RPS6KA6: variants seen among roughly 807,000 people sequenced by gnomAD.
The protein encoded by RPS6KA6 is ribosomal protein S6 kinase A6, also known as ribosomal protein S6 kinase alpha-6.
In RPS6KA6, 27 loss-of-function variants were observed where a neutral mutation model predicts 65.4. The ratio of observed to expected loss-of-function variants is 0.41; its 90% confidence interval spans 0.30 to 0.57. RPS6KA6 has a LOEUF of 0.57. Ranked by LOEUF, RPS6KA6 falls within the 20% of genes least tolerant of loss-of-function variation. The pLI is 0.24. For missense variants in RPS6KA6, 486 were observed against 555.6 expected (o/e 0.87, Z 1.26); for synonymous variants, 190 against 184.2 (o/e 1.03, Z -0.26).
intron 3 of RPS6KA6, 131 bp downstream of exon 3, chrX:84,155,944 A>G: frequency 9.5e-6 from 4 of 422,925 alleles, no homozygotes; most frequent in Non-Finnish European, 1.7e-5. Context: ...GAATAAAATT[A>G]AAGAATTACC....
At position 84,059,948 on chromosome X, in the gene RPS6KA6, G is replaced by T. The variant is rs1175867093; in HGVS notation, c.*4329C>A. The T allele has an allele frequency of 8.9e-6, 1 of 111,922 alleles. No individual in the cohort carries two copies. Among genetic ancestry groups the T allele is most frequent in the Non-Finnish European group, 1.9e-5 (1 of 53,149 alleles). The allele number at this position is 111,922 out of a possible 1,213,427, so 9.2% of individuals were successfully genotyped here. On this transcript the variant is annotated 3_prime_UTR_variant, in exon 22 of 22. Coordinates refer to ENST00000262752, the MANE Select transcript of RPS6KA6 (RefSeq NM_014496.5). ...CTTTTGTTTTTCTAAATATTTCAAAGAAACTTATGTCTATAATTTAATATA... is the reference window on the plus strand; with the variant it reads ...CTTTTGTTTTTCTAAATATTTCAAATAAACTTATGTCTATAATTTAATATA...
chrX:84,138,801 TTGTGTGTGTGTGTGTGTGTGTG>T (rs3077407), intron 6 of RPS6KA6, among the ~76,000 whole-genome samples: 2 of 99,208 alleles, frequency 2.0e-5, no homozygotes, highest in African/African-American at 3.8e-5. Context: ...ACCTGTGTAT[TTGTGTGTGTGTGTGTGTGTGTG>T]TGTGTGTGTG....
intron 20 of RPS6KA6, among the ~76,000 whole-genome samples, chrX:84,087,781 T>C (rs952777574): frequency 8.9e-6 from 1 of 112,019 alleles, no homozygotes; most frequent in Admixed American, 9.5e-5. Flanking sequence ...TCCCCATCTC[T>C]TTCCGGTACC....
chrX:84,184,602 TTCCTC>T (rs1237270121), intron 1 of RPS6KA6, among the ~76,000 whole-genome samples: 1 of 110,932 alleles, frequency 9.0e-6, no homozygotes, highest in Non-Finnish European at 1.9e-5. Flanking sequence ...AAGCTGTTCT[TTCCTC>T]TATTACTATA....
intron 20 of RPS6KA6, among the ~76,000 whole-genome samples, chrX:84,078,831 G>A (rs1014635250): frequency 6.3e-5 from 7 of 111,195 alleles, no homozygotes; most frequent in Non-Finnish European, 1.3e-4. Context: ...AAAACAGCAT[G>A]AGGAAATGTT....
At chrX:84,082,398 A>C (rs1202056516) in intron 20 of RPS6KA6, among the ~76,000 whole-genome samples, 2 of 111,826 alleles carry the variant, frequency 1.8e-5, no homozygotes, top group Non-Finnish European at 3.8e-5. Flanking sequence ...AGCGATGTGA[A>C]GGACCTCTTC....
rs949929252 is a variant in RPS6KA6, at chrX:84,062,910, TTC to T, written c.*1365_*1366del. ...CCTCCAGTTTACATTCATGAATTCT[TTC>T]TGTCAGTAGTAGTAGTAGTAGTAGT... On this transcript the variant is annotated 3_prime_UTR_variant, in exon 22 of 22. Coordinates refer to ENST00000262752, the MANE Select transcript of RPS6KA6 (RefSeq NM_014496.5). 5 of 107,770 alleles carry T rather than the reference TTC, an allele frequency of 4.6e-5. No homozygotes were observed. Among genetic ancestry groups the T allele is most frequent in the African/African-American group, 1.3e-4 (4 of 29,777 alleles). 8.9% of individuals were successfully genotyped at this position (107,770 alleles called of 1,213,427 possible).
intron 17 of RPS6KA6, among the ~76,000 whole-genome samples, chrX:84,103,974 C>T (rs2034306650): frequency 9.1e-6 from 1 of 110,261 alleles, no homozygotes; most frequent in Non-Finnish European, 1.9e-5. Flanking sequence ...TAAAAGTTCC[C>T]TTTTTTTGTA....
At chrX:84,105,092 A>G (rs1432627587) in intron 16 of RPS6KA6, among the ~76,000 whole-genome samples, 2 of 110,622 alleles carry the variant, frequency 1.8e-5, no homozygotes, top group Non-Finnish European at 3.8e-5. Flanking sequence ...TATCTTAAAT[A>G]CTGGTTGAAT....
chrX:84,135,001 A>C (rs2034967619), intron 7 of RPS6KA6, 103 bp downstream of exon 7: 1 of 653,542 alleles, frequency 1.5e-6, no homozygotes, highest in Non-Finnish European at 2.4e-6. Flanking sequence ...GTTTCATATA[A>C]TTCATATAGA....
At chrX:84,109,359 C>A (rs759161980) in intron 12 of RPS6KA6, among the ~76,000 whole-genome samples, 1 of 110,961 alleles carries the variant, frequency 9.0e-6, no homozygotes, top group South Asian at 3.9e-4. Context: ...ATTCTGCAGG[C>A]CATTCTGAGA....
chrX:84,105,173 AACAC>A (rs201065109), intron 16 of RPS6KA6, among the ~76,000 whole-genome samples: 2 of 108,740 alleles, frequency 1.8e-5, no homozygotes, highest in Admixed American at 9.9e-5. Context: ...ATGTATGATA[AACAC>A]ACACACACAC....
At chrX:84,167,497 T>C (rs1396056967) in intron 1 of RPS6KA6, among the ~76,000 whole-genome samples, 1 of 111,352 alleles carries the variant, frequency 9.0e-6, no homozygotes, top group Non-Finnish European at 1.9e-5. Flanking sequence ...AGCAAAACTG[T>C]AGGGAAAGAA....
intron 20 of RPS6KA6, among the ~76,000 whole-genome samples, chrX:84,076,839 C>T (rs931885434): frequency 3.6e-5 from 4 of 110,900 alleles, no homozygotes; most frequent in Non-Finnish European, 5.7e-5. Context: ...AGCACTAAAA[C>T]GTCCTTATAA....
rs1007995644 is a variant in RPS6KA6 at position 84,062,648 on chromosome X, A to G, written c.*1629T>C. On this transcript the variant is annotated 3_prime_UTR_variant, in exon 22 of 22. Transcript: ENST00000262752. Reference sequence around the variant, plus strand: ...AAAATAAGAATACATACTTTAATATATCACACCCAGGAAACAGATATTTGT... The same window carrying G: ...AAAATAAGAATACATACTTTAATATGTCACACCCAGGAAACAGATATTTGT... The G allele has an allele frequency of 9.0e-6, 1 of 111,609 alleles. No homozygotes were observed. The highest frequency in any genetic ancestry group is 1.9e-5 in the Non-Finnish European group (1 of 53,031). 9.2% of individuals were successfully genotyped at this position (111,609 alleles called of 1,213,427 possible).
chrX:84,184,365 T>C (rs1421281213), intron 1 of RPS6KA6, among the ~76,000 whole-genome samples: 1 of 112,521 alleles, frequency 8.9e-6, no homozygotes, highest in Admixed American at 9.4e-5. Flanking sequence ...ATGATGACTG[T>C]GGGAAAAGAG....
chrX:84,064,545 T>G, intron 21 of RPS6KA6, 143 bp from the exon 22 acceptor site: 20 of 460,705 alleles, frequency 4.3e-5, no homozygotes, highest in Non-Finnish European at 5.7e-5. Context: ...ATCTGTGCAC[T>G]GATGAATCAA....
chrX:84,080,630 A>C (rs1448491338), intron 20 of RPS6KA6, among the ~76,000 whole-genome samples: 1 of 104,917 alleles, frequency 9.5e-6, no homozygotes, highest in African/African-American at 3.5e-5. Context: ...AGCGGACCTA[A>C]TAGATATCTA....
At chrX:84,158,834 A>T (rs2035459145) in intron 2 of RPS6KA6, among the ~76,000 whole-genome samples, 2 of 111,515 alleles carry the variant, frequency 1.8e-5, no homozygotes, top group Non-Finnish European at 3.8e-5. Flanking sequence ...TCACCTGTAG[A>T]AGAAATATTT....
Sources: allele counts gnomAD v4.1 joint callset (sites outside exome capture counted in the v4.1 genomes callset), GRCh38; gene constraint gnomAD v4.1.1; transcripts MANE v1.5; gene names NCBI Gene and HGNC (gene_info 2026-07-23, HGNC 2026-07-21).